The following GPR65 variants were observed in gnomAD, a reference collection of about 807,000 sequenced individuals.
GPR65 encodes the protein G protein-coupled receptor 65, also known as T-cell death-associated gene 8 protein.
Under a neutral mutation model 0.7 loss-of-function variants are expected in GPR65, and 2 were observed. The observed-to-expected ratio is 2.83, with a 90% CI of 1.16 to 8.92. GPR65 has a LOEUF of 8.92. GPR65 is among the 30% of genes most tolerant of loss of function. The probability of loss-of-function intolerance (pLI) is 0.04; values close to 1 mark genes in which losing one functional copy is unlikely to be tolerated. For synonymous variants in GPR65, 128 were observed against 146.5 expected (o/e 0.87, Z 0.91); for missense variants, 379 against 399.4 (o/e 0.95, Z 0.43).
rs72629385 is a variant in GPR65, at chr14:88,006,307, A to C, written c.-460+1085A>C. Among the ~76,000 whole-genome samples, 1,245 of 152,292 alleles carry C rather than the reference A, an allele frequency of 8.2e-3. 55 individuals carry two copies. In the East Asian group the frequency reaches 0.12, roughly 15 times the overall value. Reference sequence around the variant, plus strand: ...CTTTGCTTCATATGTCGTTTCATTTAACCCTCACAACAATCTTAGAAACTG... The same window carrying C: ...CTTTGCTTCATATGTCGTTTCATTTCACCCTCACAACAATCTTAGAAACTG... On this transcript the variant is annotated intron_variant, in intron 1 of 1. Transcript: ENST00000267549.
chr14:88,008,121 A>C (rs751507585), intron 1 of GPR65, among the ~76,000 whole-genome samples: 1 of 151,590 alleles, frequency 6.6e-6, no homozygotes, highest in Non-Finnish European at 1.5e-5. Context: ...GATGCTCTAC[A>C]TGCCATCTCA....
intron 1 of GPR65, among the ~76,000 whole-genome samples, chr14:88,009,914 T>G (rs1428925572): frequency 6.6e-6 from 1 of 152,198 alleles, no homozygotes; most frequent in Non-Finnish European, 1.5e-5. Context: ...TTCTAAAACT[T>G]TATTGTATTT....
At position 88,011,970 on chromosome 14, in the gene GPR65, G is replaced by A; in HGVS notation, c.*109G>A. On this transcript the variant is annotated 3_prime_UTR_variant, in exon 2 of 2. Coordinates refer to ENST00000267549, the MANE Select transcript of GPR65 (RefSeq NM_003608.4). The stretch of plus-strand genomic sequence containing the variant: ...CATGTGAGGGGACTAAGTGTTCTCA[G>A]AGTGATGTTTTAATCCAGTCCAATA... The A allele has an allele frequency of 1.3e-6, 1 of 770,688 alleles. No individual in the cohort carries two copies. Among genetic ancestry groups the A allele is most frequent in the South Asian group, 1.9e-5 (1 of 52,058 alleles). The allele number at this position is 770,688 out of a possible 1,614,324, so 47.7% of individuals were successfully genotyped here.
chr14:88,010,583 C>G lies in GPR65; in HGVS notation c.-265C>G. 1 of 386,114 alleles carries G rather than the reference C, an allele frequency of 2.6e-6. No homozygotes were observed. The highest frequency in any genetic ancestry group is 4.7e-6 in the Non-Finnish European group (1 of 213,170). The allele number at this position is 386,114 out of a possible 1,614,324, so 23.9% of individuals were successfully genotyped here. On this transcript the variant is annotated 5_prime_UTR_variant, in exon 2 of 2. Coordinates refer to ENST00000267549, the MANE Select transcript of GPR65 (RefSeq NM_003608.4). ...TCTGTGATAATGAACACATGGACTT[C>G]TGTTTATTAAATTCAGTTGACCCCT...
In GPR65 at chr14:88,011,485, A is replaced by G. The variant is rs1887680370; in HGVS notation, c.638A>G (p.Asn213Ser). Residue 213 changes from asparagine to serine, a missense_variant, in exon 2 of 2, where the codon AAT (asparagine) becomes AGT (serine). Asn to Ser is a conservative substitution (Grantham distance 46). Coordinates refer to ENST00000267549, the MANE Select transcript of GPR65 (RefSeq NM_003608.4). ...NRKVYQAVRH[N>S]KATENKEKKR... ...AAAGTCTACCAAGCTGTGCGGCACA[A>G]TAAAGCCACGGAAAACAAGGAAAAG... 6.2e-7 allele frequency: 1 copy of G among 1,613,970 alleles called. No homozygotes were observed. The highest frequency in any genetic ancestry group is 1.7e-5 in the Admixed American group (1 of 59,968).
In GPR65 at chr14:88,012,047, G is replaced by T; in HGVS notation, c.*186G>T. On this transcript the variant is annotated 3_prime_UTR_variant, in exon 2 of 2. Transcript: ENST00000267549. Reference sequence around the variant, plus strand: ...GCTCCCTCCCTGCGTTTTATTAAATGATGTATATTAAACAAAGATCAATAT... The same window carrying T: ...GCTCCCTCCCTGCGTTTTATTAAATTATGTATATTAAACAAAGATCAATAT... 1 of 498,446 alleles carries T rather than the reference G, an allele frequency of 2.0e-6. No individual in the cohort carries two copies. The highest frequency in any genetic ancestry group is 3.6e-6 in the Non-Finnish European group (1 of 275,412). 30.9% of individuals were successfully genotyped at this position (498,446 alleles called of 1,614,324 possible).
At chr14:88,007,193 T>C (rs921358430) in intron 1 of GPR65, among the ~76,000 whole-genome samples, 1 of 152,124 alleles carries the variant, frequency 6.6e-6, no homozygotes, top group Non-Finnish European at 1.5e-5. Context: ...ATTTTTGTGT[T>C]TTTAATCCTA....
In GPR65 at chr14:88,010,525, C is replaced by T. The variant is rs1030748028; in HGVS notation, c.-323C>T. 1.2e-5 allele frequency: 3 copies of T among 249,418 alleles called. No homozygotes were observed. The Admixed American group carries it at 1.5e-4, about 12-fold the overall frequency. The allele number at this position is 249,418 out of a possible 1,614,324, so 15.5% of individuals were successfully genotyped here. A position where few individuals can be genotyped will look rare whatever the true frequency, so the allele number is the denominator to read the frequency against. On this transcript the variant is annotated 5_prime_UTR_variant, in exon 2 of 2. Transcript: ENST00000267549. ...ACTCTCTATGTACACTTACAAATGC[C>T]TCAGTTGATGCTTGTGGGCTGTTTG...
At position 88,014,061 on chromosome 14, in the gene GPR65, A is replaced by C. The variant is rs958970849; in HGVS notation, c.*2200A>C. 11 of 152,234 alleles carry C rather than the reference A, an allele frequency of 7.2e-5. No homozygotes were observed. Among genetic ancestry groups the C allele is most frequent in the Admixed American group, 2.0e-4 (3 of 15,290 alleles). 9.4% of individuals were successfully genotyped at this position (152,234 alleles called of 1,614,324 possible). ...ACAAGAAGTCCCTCCCAGGAACTGGAAATGAATGGGGAAAATGCTGAAATC... is the reference window on the plus strand; with the variant it reads ...ACAAGAAGTCCCTCCCAGGAACTGGCAATGAATGGGGAAAATGCTGAAATC... On this transcript the variant is annotated 3_prime_UTR_variant, in exon 2 of 2. Transcript: ENST00000267549.
rs1264151055 is a variant in GPR65, at chr14:88,013,485, C to T, written c.*1624C>T. On this transcript the variant is annotated 3_prime_UTR_variant, in exon 2 of 2. Transcript: ENST00000267549. ...TTCTACCCTTCTCCTTTTCTCTTTG[C>T]TTTCCTTTTCTTGCCTGTTCTTTCC... The T allele has an allele frequency of 6.6e-6, 1 of 152,210 alleles. No homozygotes were observed. Among genetic ancestry groups the T allele is most frequent in the Non-Finnish European group, 1.5e-5 (1 of 68,048 alleles). 9.4% of individuals were successfully genotyped at this position (152,210 alleles called of 1,614,324 possible).
In GPR65 at chr14:88,014,325, T is replaced by C. The variant is rs754320506; in HGVS notation, c.*2464T>C. On this transcript the variant is annotated 3_prime_UTR_variant, in exon 2 of 2. Transcript: ENST00000267549. ...GTAAGAAAAGAGTGGCCAACTTTCA[T>C]ATAAATAGAAAGAGAACATTTAAGC... The C allele has an allele frequency of 6.6e-6, 1 of 152,244 alleles. No individual in the cohort carries two copies. Among genetic ancestry groups the C allele is most frequent in the South Asian group, 2.1e-4 (1 of 4,836 alleles). 9.4% of individuals were successfully genotyped at this position (152,244 alleles called of 1,614,324 possible). A position where few individuals can be genotyped will look rare whatever the true frequency, so the allele number is the denominator to read the frequency against.
At chr14:88,007,481 A>G (rs1887611126) in intron 1 of GPR65, among the ~76,000 whole-genome samples, 1 of 151,764 alleles carries the variant, frequency 6.6e-6, no homozygotes, top group African/African-American at 2.4e-5. Flanking sequence ...TGCAATATAC[A>G]AATTTTCTCT....
In GPR65 at chr14:88,012,409, T is replaced by A. The variant is rs183431422; in HGVS notation, c.*548T>A. On this transcript the variant is annotated 3_prime_UTR_variant, in exon 2 of 2. Transcript: ENST00000267549. ...TTTGTATTGTGTACAATTCAGTGAT[T>A]TTTTGTATATTCACAGAGCTGTGCA... The A allele has an allele frequency of 5.6e-4, 86 of 152,414 alleles. No homozygotes were observed. Among genetic ancestry groups the A allele is most frequent in the African/African-American group, 2.1e-3 (86 of 41,586 alleles). The allele number at this position is 152,414 out of a possible 1,614,324, so 9.4% of individuals were successfully genotyped here.
Position 88,010,377 on chromosome 14 carries a change from C to A in GPR65, c.-459-12C>A, listed in dbSNP as rs45469196. 8.1e-3 allele frequency: 1,260 copies of A among 154,998 alleles called. 44 individuals are homozygous for A. The highest frequency in any genetic ancestry group is 0.053 in the Admixed American group (838 of 15,734). The allele number at this position is 154,998 out of a possible 1,614,324, so 9.6% of individuals were successfully genotyped here. A position where few individuals can be genotyped will look rare whatever the true frequency, so the allele number is the denominator to read the frequency against. ...AAACATCTAAACAATTTTAATTCAT[C>A]TTTCATTACAGAAGGAAAGGAATTT... On this transcript the variant is annotated splice_polypyrimidine_tract_variant and intron_variant, in intron 1 of 1. Coordinates refer to ENST00000267549, the MANE Select transcript of GPR65 (RefSeq NM_003608.4).
intron 1 of GPR65, among the ~76,000 whole-genome samples, chr14:88,007,111 C>T (rs555426126): frequency 3.3e-5 from 5 of 152,184 alleles, no homozygotes; most frequent in Admixed American, 2.0e-4. Context: ...TCCATCTTTC[C>T]TCTCTGGCTC....
chr14:88,008,050 C>A (rs1595253818), intron 1 of GPR65, among the ~76,000 whole-genome samples: 1 of 151,962 alleles, frequency 6.6e-6, no homozygotes, highest in East Asian at 1.9e-4. Flanking sequence ...GAAATAAGAT[C>A]AGATTTCTTA....
chr14:88,011,631 A>G lies in GPR65; in HGVS notation c.784A>G (p.Ser262Gly). The change falls in exon 2 of 2, where the codon AGC becomes GGC. Residue 262 changes from serine to glycine, a missense_variant. Coordinates refer to ENST00000267549, the MANE Select transcript of GPR65 (RefSeq NM_003608.4). ...LEHAVNFEDH[S>G]NSGKRTYTMY... ...GCATGCTGTGAACTTCGAAGACCAC[A>G]GCAATTCTGGGAAGCGAACTTACAC... 1 of 1,614,036 alleles carries G rather than the reference A, an allele frequency of 6.2e-7. No individual in the cohort carries two copies. Among genetic ancestry groups the G allele is most frequent in the Non-Finnish European group, 8.5e-7 (1 of 1,179,892 alleles).
In GPR65 at chr14:88,010,756, C is replaced by T. The variant is rs567358815; in HGVS notation, c.-92C>T. ...ATTGAAAAAGAATTCTCAGTAAAAG[C>T]GAATTCGATGTTCAAAACAAACTAC... On this transcript the variant is annotated 5_prime_UTR_variant, in exon 2 of 2. Coordinates refer to ENST00000267549, the MANE Select transcript of GPR65 (RefSeq NM_003608.4). 42 of 815,462 alleles carry T rather than the reference C, an allele frequency of 5.2e-5. No homozygotes were observed. The highest frequency in any genetic ancestry group is 2.7e-4 in the Middle Eastern group (1 of 3,702). The allele number at this position is 815,462 out of a possible 1,614,324, so 50.5% of individuals were successfully genotyped here.
intron 1 of GPR65, 79 bp from the exon 2 acceptor site, chr14:88,010,310 G>A (rs1307614403): frequency 2.0e-5 from 3 of 152,520 alleles, no homozygotes; most frequent in African/African-American, 4.8e-5. Flanking sequence ...AAACAAAAAG[G>A]GATTATTTCA....
Sources: gnomAD v4.1 joint callset for allele counts (sites outside exome capture counted in the v4.1 genomes callset) on GRCh38, gnomAD v4.1.1 for gene constraint, MANE v1.5 for transcripts, NCBI Gene and HGNC (gene_info 2026-07-23, HGNC 2026-07-21) for gene names.